B4GALT5: variants seen among roughly 807,000 people sequenced by gnomAD.
B4GALT5 encodes beta-1,4-galactosyltransferase 5.
In B4GALT5, 11 loss-of-function variants were observed where a neutral mutation model predicts 45.0. That is an observed-to-expected ratio of 0.24 (90% CI 0.15 to 0.40). B4GALT5 has a LOEUF of 0.40. Among genes scored for constraint, B4GALT5 ranks in the 10% least tolerant of loss-of-function variants. The pLI is 1.00. For synonymous variants in B4GALT5, 185 were observed against 182.9 expected, an observed-to-expected ratio of 1.01 and a Z score of -0.09; for missense variants, 337 against 500.2, an observed-to-expected ratio of 0.67 and a Z score of 3.11.
At chr20:49,684,469 A>G (rs1451695722) in intron 1 of B4GALT5, 5 of 476,136 alleles carry the variant, frequency 1.1e-5, no homozygotes, top group Non-Finnish European at 2.1e-5. Flanking sequence ...AGGCTGAGAC[A>G]GCAGAATGGT....
At chr20:49,643,122 G>A (rs529061987) in intron 4 of B4GALT5, among the ~76,000 whole-genome samples, 1 of 152,288 alleles carries the variant, frequency 6.6e-6, no homozygotes, top group East Asian at 1.9e-4. Flanking sequence ...TCTGACTATG[G>A]TCAGGCAGAA....
At chr20:49,692,428 C>G (rs957719560) in intron 1 of B4GALT5, among the ~76,000 whole-genome samples, 4 of 152,144 alleles carry the variant, frequency 2.6e-5, no homozygotes, top group African/African-American at 7.2e-5. Context: ...GATCGCATCA[C>G]TGCATTCCAG....
intron 3 of B4GALT5, among the ~76,000 whole-genome samples, chr20:49,645,991 GC>G (rs1374969441): frequency 6.6e-6 from 1 of 151,934 alleles, no homozygotes; most frequent in Non-Finnish European, 1.5e-5. Context: ...TTCAAGACCA[GC>G]CTGGGCAACA....
At chr20:49,702,147 T>C (rs532162538) in intron 1 of B4GALT5, among the ~76,000 whole-genome samples, 12 of 152,180 alleles carry the variant, frequency 7.9e-5, no homozygotes, top group Non-Finnish European at 1.8e-4. Flanking sequence ...CATTCCTGTA[T>C]GGCAAAAAAT....
chr20:49,663,690 A>AAATATATAT (rs1555812124), intron 1 of B4GALT5, among the ~76,000 whole-genome samples: 1 of 96,962 alleles, frequency 1.0e-5, no homozygotes, highest in African/African-American at 4.5e-5. Flanking sequence ...AAAAAAAAAA[A>AAATATATAT]ATATATACAT....
At chr20:49,702,311 C>A (rs2146360337) in intron 1 of B4GALT5, among the ~76,000 whole-genome samples, 1 of 152,268 alleles carries the variant, frequency 6.6e-6, no homozygotes, top group East Asian at 1.9e-4. Flanking sequence ...AAAATCACAT[C>A]AGTAGCTTAT....
intron 1 of B4GALT5, among the ~76,000 whole-genome samples, chr20:49,702,124 C>T (rs1402875468): frequency 1.3e-5 from 2 of 152,150 alleles, no homozygotes; most frequent in Non-Finnish European, 2.9e-5. Context: ...TCTTCGAAAT[C>T]ATCATGTCTT....
At chr20:49,713,555 G>T (rs772150874) in intron 1 of B4GALT5, 21 bp downstream of exon 1, 3 of 1,553,670 alleles carry the variant, frequency 1.9e-6, no homozygotes, top group South Asian at 2.4e-5. Context: ...CAGCCGCCGC[G>T]GTCCCAAGCC....
chr20:49,647,780 T>G (rs1437853168), intron 2 of B4GALT5, among the ~76,000 whole-genome samples: 1 of 152,048 alleles, frequency 6.6e-6, no homozygotes, highest in Non-Finnish European at 1.5e-5. Context: ...TCTCTCAACT[T>G]CATCCTCCCA....
At chr20:49,687,559 G>T (rs1334177237) in intron 1 of B4GALT5, among the ~76,000 whole-genome samples, 1 of 152,056 alleles carries the variant, frequency 6.6e-6, no homozygotes, top group Non-Finnish European at 1.5e-5. Context: ...CAGGAGAATT[G>T]CTTGAACTCG....
intron 3 of B4GALT5, among the ~76,000 whole-genome samples, chr20:49,646,631 A>C (rs2085600169): frequency 6.6e-6 from 1 of 152,166 alleles, no homozygotes; most frequent in African/African-American, 2.4e-5. Context: ...AAAATCACCT[A>C]ATGATGTACT....
At chr20:49,675,035 A>G (rs565056247) in intron 1 of B4GALT5, among the ~76,000 whole-genome samples, 1 of 152,324 alleles carries the variant, frequency 6.6e-6, no homozygotes, top group African/African-American at 2.4e-5. Flanking sequence ...CCCGGGAAAA[A>G]TAATCTATCA....
At chr20:49,643,874 G>C (rs2085587498) in intron 3 of B4GALT5, among the ~76,000 whole-genome samples, 1 of 149,124 alleles carries the variant, frequency 6.7e-6, no homozygotes, top group Non-Finnish European at 1.5e-5. Context: ...TTCTGCTTCT[G>C]TCAGGGGCCA....
chr20:49,663,516 C>T (rs778690190), intron 1 of B4GALT5, among the ~76,000 whole-genome samples: 2 of 149,802 alleles, frequency 1.3e-5, no homozygotes, highest in Non-Finnish European at 3.0e-5. Context: ...CCTGAGTACA[C>T]CTTTTATATT....
chr20:49,688,801 G>A (rs543012100), intron 1 of B4GALT5, among the ~76,000 whole-genome samples: 5 of 152,134 alleles, frequency 3.3e-5, no homozygotes, highest in Non-Finnish European at 7.4e-5. Flanking sequence ...GCCAGGCTTG[G>A]TGGCGCGTGC....
intron 1 of B4GALT5, among the ~76,000 whole-genome samples, chr20:49,684,278 G>A (rs2085776280): frequency 6.6e-6 from 1 of 151,404 alleles, no homozygotes; most frequent in South Asian, 2.1e-4. Flanking sequence ...TAAAAAAAAA[G>A]TTGGCTGGGC....
At chr20:49,664,363 G>A (rs1385616544) in intron 1 of B4GALT5, among the ~76,000 whole-genome samples, 3 of 150,600 alleles carry the variant, frequency 2.0e-5, no homozygotes, top group Non-Finnish European at 3.0e-5. Flanking sequence ...GGACCACAGC[G>A]GAATGCCCCC....
intron 1 of B4GALT5, among the ~76,000 whole-genome samples, chr20:49,682,697 C>A (rs6012714): frequency 4.6e-5 from 7 of 152,142 alleles, no homozygotes; most frequent in Non-Finnish European, 1.0e-4. Flanking sequence ...CACTAATTAC[C>A]TAAAAGGACA....
intron 8 of B4GALT5, among the ~76,000 whole-genome samples, chr20:49,636,907 G>GACACACAC (rs5841760): frequency 0.015 from 2,141 of 146,272 alleles, 41 homozygotes; most frequent in African/African-American, 0.04. Context: ...ATTTAGAAAA[G>GACACACAC]ACACACACAC....
Sources: gnomAD v4.1 joint callset for allele counts (sites outside exome capture counted in the v4.1 genomes callset) on GRCh38, gnomAD v4.1.1 for gene constraint, MANE v1.5 for transcripts, NCBI Gene and HGNC (gene_info 2026-07-23, HGNC 2026-07-21) for gene names.